The following SULT1E1 variants were observed in gnomAD, a reference collection of about 807,000 sequenced individuals.
The protein encoded by SULT1E1 is sulfotransferase 1E1.
In SULT1E1, 36 loss-of-function variants were observed where a neutral mutation model predicts 33.6. The observed-to-expected ratio is 1.07, with a 90% confidence interval of 0.82 to 1.41. The LOEUF is 1.41. SULT1E1 is among the 40% of genes most tolerant of loss of function. The pLI, the probability that SULT1E1 is intolerant of heterozygous loss-of-function variation, is 0.00. For missense variants in SULT1E1, 371 were observed against 345.7 expected (o/e 1.07, Z -0.58); for synonymous variants, 121 against 111.7 (o/e 1.08, Z -0.53).
chr4:69,829,204 G>T, the SULT1E1 span, among the ~76,000 whole-genome samples: 8 of 152,214 alleles, frequency 5.3e-5, no homozygotes, highest in Non-Finnish European at 1.2e-4. Context: ...TTTACCGCAT[G>T]CAAATCCTGC....
Position 69,847,812 on chromosome 4 carries a change from C to G in SULT1E1, c.497-20G>C. 6.5e-7 allele frequency: 1 copy of G among 1,547,796 alleles called. No individual in the cohort carries two copies. Among genetic ancestry groups the G allele is most frequent in the Non-Finnish European group, 8.9e-7 (1 of 1,125,174 alleles). On this transcript the variant is annotated intron_variant, in intron 5 of 7. Transcript: ENST00000226444. ...AAGGAACTAAAATTAGAGAGAAAAACAGTGTAAAAGTGGTATCATCTCTAA... is the reference window on the plus strand; with the variant it reads ...AAGGAACTAAAATTAGAGAGAAAAAGAGTGTAAAAGTGGTATCATCTCTAA...
intron 2 of SULT1E1, among the ~76,000 whole-genome samples, 181 bp downstream of exon 2, chr4:69,857,319 T>C (rs988692654): frequency 1.3e-5 from 2 of 152,218 alleles, no homozygotes; most frequent in Non-Finnish European, 2.9e-5. Flanking sequence ...CAATGTACTA[T>C]TCAAGTTACA....
the SULT1E1 span, among the ~76,000 whole-genome samples, chr4:69,825,093 C>A: frequency 6.6e-6 from 1 of 151,918 alleles, no homozygotes; most frequent in East Asian, 1.9e-4. Context: ...AGAGCTGTAA[C>A]ACTCACTGCG....
At position 69,849,485 on chromosome 4, in the gene SULT1E1, T is replaced by C. The variant is rs1414567936; in HGVS notation, c.448A>G (p.Asn150Asp). 1 of 1,611,762 alleles carries C rather than the reference T, an allele frequency of 6.2e-7. No individual in the cohort carries two copies. Among genetic ancestry groups the C allele is most frequent in the South Asian group, 1.1e-5 (1 of 91,008 alleles). ...YFFLMVAGHP[N>D]PGSFPEFVEK... ...ACAAACTCTGGAAAGGATCCAGGAT[T>C]TGGATGACCAGCCACCATTAGAAAG... The change falls in exon 5 of 8, where the codon AAT becomes GAT. Residue 150 changes from asparagine (N) to aspartate (D), a missense_variant. Asn to Asp is a conservative substitution (Grantham distance 23, BLOSUM62 1). Coordinates refer to ENST00000226444, the MANE Select transcript of SULT1E1 (RefSeq NM_005420.3).
chr4:69,839,837 C>G (rs1720849406), downstream of SULT1E1, among the ~76,000 whole-genome samples: 1 of 152,122 alleles, frequency 6.6e-6, no homozygotes, highest in South Asian at 2.1e-4. Context: ...ATTACTTCTC[C>G]AAAGAAGATA....
intron 6 of SULT1E1, among the ~76,000 whole-genome samples, chr4:69,846,305 C>CAAAAAAAAAAAAA (rs34408656): frequency 9.3e-5 from 10 of 107,036 alleles, no homozygotes; most frequent in East Asian, 5.0e-4. Flanking sequence ...ACAAAACAAT[C>CAAAAAAAAAAAAA]AAAAAAAAAA....
chr4:69,839,555 G>A (rs1199444867), downstream of SULT1E1, among the ~76,000 whole-genome samples: 1 of 152,138 alleles, frequency 6.6e-6, no homozygotes, highest in East Asian at 1.9e-4. Flanking sequence ...CCTTTAAAAA[G>A]TATTTCTGTG....
chr4:69,852,592 AC>A (rs965629453), intron 4 of SULT1E1, among the ~76,000 whole-genome samples: 1 of 152,036 alleles, frequency 6.6e-6, no homozygotes, highest in Non-Finnish European at 1.5e-5. Context: ...ACTTTTTGTC[AC>A]TTTCTTCTCT....
Position 69,857,797 on chromosome 4 carries a change from AT to A in SULT1E1, c.-9-145del, listed in dbSNP as rs1353611386. ...GGGCAAAAACATAGTAAAGTTGCAT[AT>A]CAAATAGTTTTGGTACATAGAGAGT... On this transcript the variant is annotated intron_variant, in intron 1 of 7. Coordinates refer to ENST00000226444, the MANE Select transcript of SULT1E1 (RefSeq NM_005420.3). 1.8e-5 allele frequency: 11 copies of A among 625,652 alleles called. No homozygotes were observed. In the African/African-American group the frequency reaches 2.1e-4, roughly 12 times the overall value. The allele number at this position is 625,652 out of a possible 1,614,324, so 38.8% of individuals were successfully genotyped here.
In SULT1E1 at chr4:69,857,793, G is replaced by T. The variant is rs1244914878; in HGVS notation, c.-9-140C>A. 25 of 635,718 alleles carry T rather than the reference G, an allele frequency of 3.9e-5. No individual in the cohort carries two copies. The East Asian group carries it at 7.0e-4, about 18-fold the overall frequency. The allele number at this position is 635,718 out of a possible 1,614,324, so 39.4% of individuals were successfully genotyped here. ...TATGGGGCAAAAACATAGTAAAGTT[G>T]CATATCAAATAGTTTTGGTACATAG... is the stretch of plus-strand genomic sequence containing the variant. On this transcript the variant is annotated intron_variant, in intron 1 of 7. Coordinates refer to ENST00000226444, the MANE Select transcript of SULT1E1 (RefSeq NM_005420.3).
chr4:69,837,706 T>A (rs1182181678), downstream of SULT1E1, among the ~76,000 whole-genome samples: 1 of 152,214 alleles, frequency 6.6e-6, no homozygotes, highest in Non-Finnish European at 1.5e-5. Flanking sequence ...CAGTTATACG[T>A]AAATAGTAGA....
the SULT1E1 span, among the ~76,000 whole-genome samples, chr4:69,831,769 G>A: frequency 2.6e-5 from 4 of 151,992 alleles, no homozygotes; most frequent in South Asian, 6.2e-4. Flanking sequence ...TTCCCACCAC[G>A]GATGCTGCAG....
At chr4:69,830,470 C>T in the SULT1E1 span, among the ~76,000 whole-genome samples, 1 of 152,224 alleles carries the variant, frequency 6.6e-6, no homozygotes, top group Non-Finnish European at 1.5e-5. Flanking sequence ...TTTCGTAAAA[C>T]TGGCTTGGTC....
chr4:69,839,461 C>A (rs1720843868), downstream of SULT1E1, among the ~76,000 whole-genome samples: 1 of 152,114 alleles, frequency 6.6e-6, no homozygotes, highest in African/African-American at 2.4e-5. Context: ...TTTATGAGGG[C>A]AGATTAATTG....
At chr4:69,826,685 C>A in the SULT1E1 span, among the ~76,000 whole-genome samples, 2 of 152,028 alleles carry the variant, frequency 1.3e-5, no homozygotes, top group African/African-American at 2.4e-5. Flanking sequence ...TATGGCTTGG[C>A]CCCAATATTC....
At chr4:69,845,553 C>T (rs1001301708) in intron 6 of SULT1E1, among the ~76,000 whole-genome samples, 6 of 151,000 alleles carry the variant, frequency 4.0e-5, no homozygotes, top group African/African-American at 9.7e-5. Flanking sequence ...ATAATATATA[C>T]ACAAAATCTT....
chr4:69,825,114 G>C, the SULT1E1 span, among the ~76,000 whole-genome samples: 6 of 152,094 alleles, frequency 3.9e-5, no homozygotes, highest in Non-Finnish European at 5.9e-5. Flanking sequence ...AAGGTCTGTG[G>C]CTTCACTCCT....
At chr4:69,854,500 T>C (rs1408194738) in intron 3 of SULT1E1, among the ~76,000 whole-genome samples, 186 bp from the exon 4 acceptor site, 1 of 152,112 alleles carries the variant, frequency 6.6e-6, no homozygotes, top group African/African-American at 2.4e-5. Context: ...TTATTATGCA[T>C]TGCATGCCTA....
At chr4:69,856,088 C>T (rs1296163357) in intron 2 of SULT1E1, among the ~76,000 whole-genome samples, 3 of 152,144 alleles carry the variant, frequency 2.0e-5, no homozygotes, top group Admixed American at 6.5e-5. Flanking sequence ...CATAAATTCA[C>T]CACTTGTGGG....
Sources: gnomAD v4.1 joint callset for allele counts (sites outside exome capture counted in the v4.1 genomes callset) on GRCh38, gnomAD v4.1.1 for gene constraint, MANE v1.5 for transcripts, NCBI Gene and HGNC (gene_info 2026-07-23, HGNC 2026-07-21) for gene names.